The following ENPP3 variants were observed in gnomAD, a reference collection of about 807,000 sequenced individuals.
The protein encoded by ENPP3 is ectonucleotide pyrophosphatase/phosphodiesterase 3.
In ENPP3, 104 loss-of-function variants were observed where a neutral mutation model predicts 117.8. The observed-to-expected ratio is 0.88, with a 90% CI of 0.75 to 1.04. The LOEUF is 1.04. ENPP3 is among the 50% of genes least tolerant of loss of function. The probability of loss-of-function intolerance (pLI) is 0.00; values close to 1 mark genes in which losing one functional copy is unlikely to be tolerated. For missense variants in ENPP3, 1,026 were observed against 1,051.9 expected (o/e 0.98, Z 0.34); for synonymous variants, 380 against 349.9 (o/e 1.09, Z -0.96).
rs139347360 is a variant in ENPP3, at chr6:131,653,443, C to T, written c.464+552C>T. Among the ~76,000 whole-genome samples, 285 of 152,118 alleles carry T rather than the reference C, an allele frequency of 1.9e-3. 3 individuals are homozygous for T. The highest frequency in any genetic ancestry group is 0.017 in the Admixed American group (263 of 15,290). On this transcript the variant is annotated intron_variant, in intron 5 of 24. Transcript: ENST00000357639. Reference sequence around the variant, plus strand: ...GATTCCAGGCATGAGCCACTCTACCCAGCCACAGTAATGACTTTAACAAAT... The same window carrying T: ...GATTCCAGGCATGAGCCACTCTACCTAGCCACAGTAATGACTTTAACAAAT...
In ENPP3 at chr6:131,659,273, C is replaced by A. The variant is rs548775224; in HGVS notation, c.562+853C>A. Among the ~76,000 whole-genome samples, 9 of 151,798 alleles carry A rather than the reference C, an allele frequency of 5.9e-5. No homozygotes were observed. The South Asian group carries it at 1.9e-3, about 32-fold the overall frequency. ...GACCAGCCTGGGCAACATAGTGAGA[C>A]CTCATCTCTATTTAATAATAATTTT... On this transcript the variant is annotated intron_variant, in intron 6 of 24. Transcript: ENST00000357639.
rs188090669 is a variant in ENPP3, at chr6:131,672,567, C to A, written c.642+1240C>A. 1.7e-3 allele frequency among the ~76,000 whole-genome samples: 260 copies of A among 152,132 alleles called. 1 individual carries two copies. Among genetic ancestry groups the A allele is most frequent in the Admixed American group, 4.1e-3 (63 of 15,266 alleles). On this transcript the variant is annotated intron_variant, in intron 7 of 24. Transcript: ENST00000357639. The stretch of plus-strand genomic sequence containing the variant: ...TAATCAGAGGCTCTCAGGAACCTAA[C>A]TCTCTATTTTTCCTAGGAGCAATGG...
chr6:131,687,852 A>G (rs1219753162), intron 14 of ENPP3, among the ~76,000 whole-genome samples: 2 of 152,220 alleles, frequency 1.3e-5, no homozygotes, highest in African/African-American at 2.4e-5. Context: ...TATCTACTAC[A>G]TGAAATTCAT....
intron 14 of ENPP3, among the ~76,000 whole-genome samples, chr6:131,692,954 CTATA>C (rs1228504955): frequency 7.1e-6 from 1 of 139,962 alleles, no homozygotes; most frequent in Non-Finnish European, 1.5e-5. Context: ...ATATTATACA[CTATA>C]TATGATATAT....
chr6:131,678,612 C>T (rs993941195), intron 11 of ENPP3, among the ~76,000 whole-genome samples: 1 of 152,240 alleles, frequency 6.6e-6, no homozygotes, highest in African/African-American at 2.4e-5. Flanking sequence ...GGCATTTCCC[C>T]ACCCCATGGA....
chr6:131,645,765 T>A (rs1021092507), intron 2 of ENPP3, among the ~76,000 whole-genome samples: 1 of 152,176 alleles, frequency 6.6e-6, no homozygotes, highest in African/African-American at 2.4e-5. Flanking sequence ...TTTAATACAT[T>A]TGGTATTTTA....
At chr6:131,642,187 T>C (rs1455748671) in intron 2 of ENPP3, among the ~76,000 whole-genome samples, 7 of 152,090 alleles carry the variant, frequency 4.6e-5, no homozygotes, top group African/African-American at 1.7e-4. Context: ...ACAAAGTATC[T>C]AGCCACTTAG....
intron 15 of ENPP3, chr6:131,700,946 G>A: frequency 1.5e-6 from 1 of 650,400 alleles, no homozygotes; most frequent in South Asian, 1.9e-5. Context: ...AGGATAAAAG[G>A]ACTCCAGTGG....
intron 17 of ENPP3, among the ~76,000 whole-genome samples, chr6:131,720,743 G>A (rs449441): frequency 0.44 from 66,935 of 151,700 alleles, 15,709 homozygotes; most frequent in Non-Finnish European, 0.51. Context: ...CACCAGGCCC[G>A]GCTACTTTTT....
chr6:131,646,377 G>A (rs1042634862), intron 2 of ENPP3, among the ~76,000 whole-genome samples: 1 of 150,934 alleles, frequency 6.6e-6, no homozygotes, highest in African/African-American at 2.4e-5. Context: ...GATGTTGTTT[G>A]TTCAGTGTTT....
intron 21 of ENPP3, among the ~76,000 whole-genome samples, chr6:131,736,199 A>T (rs2114567195): frequency 6.6e-6 from 1 of 152,372 alleles, no homozygotes; most frequent in Middle Eastern, 3.4e-3. Context: ...TCACTGTGCT[A>T]GACAGCACAG....
intron 6 of ENPP3, among the ~76,000 whole-genome samples, chr6:131,664,208 G>C (rs927531941): frequency 6.6e-6 from 1 of 152,196 alleles, no homozygotes; most frequent in African/African-American, 2.4e-5. Context: ...AGTAGGGCAA[G>C]AGGTGGAGGT....
intron 20 of ENPP3, among the ~76,000 whole-genome samples, chr6:131,733,024 G>A (rs962444009): frequency 1.3e-5 from 2 of 152,056 alleles, no homozygotes; most frequent in Admixed American, 1.3e-4. Context: ...ACTGAGCCCG[G>A]CCTGGCCTAA....
At chr6:131,655,612 GGAGA>G (rs1471546703) in intron 5 of ENPP3, among the ~76,000 whole-genome samples, 4 of 152,204 alleles carry the variant, frequency 2.6e-5, no homozygotes, top group Admixed American at 6.5e-5. Flanking sequence ...ATAACCGGGA[GGAGA>G]GAGACATTAG....
chr6:131,639,480 T>A (rs1430751245), intron 1 of ENPP3, among the ~76,000 whole-genome samples: 1 of 152,038 alleles, frequency 6.6e-6, no homozygotes, highest in Non-Finnish European at 1.5e-5. Context: ...TATAAAATCT[T>A]CCACAGCAAA....
At chr6:131,728,958 T>G (rs1780216081) in intron 20 of ENPP3, among the ~76,000 whole-genome samples, 1 of 152,220 alleles carries the variant, frequency 6.6e-6, no homozygotes, top group African/African-American at 2.4e-5. Context: ...GAATTGTGAT[T>G]ACTGTTTAAA....
intron 18 of ENPP3, 87 bp downstream of exon 18, chr6:131,722,492 C>A (rs1350948034): frequency 2.3e-5 from 24 of 1,059,942 alleles, no homozygotes; most frequent in Non-Finnish European, 1.4e-6. Context: ...TAGCAACAAC[C>A]AGGTTTGTGT....
At chr6:131,736,383 A>C (rs892224001) in intron 21 of ENPP3, among the ~76,000 whole-genome samples, 4 of 152,224 alleles carry the variant, frequency 2.6e-5, no homozygotes, top group African/African-American at 9.6e-5. Flanking sequence ...TAGGGAAGAC[A>C]AAGGAAGAGC....
At position 131,637,456 on chromosome 6, in the gene ENPP3, T is replaced by C. The variant is rs367949621; in HGVS notation, c.72T>C (p.Ala24=). 1.5e-5 allele frequency: 23 copies of C among 1,552,950 alleles called. No homozygotes were observed. The highest frequency in any genetic ancestry group is 2.0e-5 in the Non-Finnish European group (23 of 1,135,188). The part of the protein sequence containing the change: ...KKNTLKKYKI[A]CIVLLALLVI... ...ACACTCTTAAGAAATATAAAATAGC[T>C]TGCATTGTAAGTACAATTCTTATTT... The change falls in exon 1 of 25, where the codon GCT becomes GCC. Residue 24 remains alanine (A), a synonymous_variant. Coordinates refer to ENST00000357639, the MANE Select transcript of ENPP3 (RefSeq NM_005021.5).
Sources: allele counts gnomAD v4.1 joint callset (sites outside exome capture counted in the v4.1 genomes callset), GRCh38; gene constraint gnomAD v4.1.1; transcripts MANE v1.5; gene names NCBI Gene and HGNC (gene_info 2026-07-23, HGNC 2026-07-21).